TMEM26: variants seen among roughly 807,000 people sequenced by gnomAD.
TMEM26 encodes transmembrane protein 26.
A neutral mutation model predicts 28.8 loss-of-function variants in TMEM26; 38 were observed. The observed-to-expected ratio is 1.32, with a 90% CI of 1.02 to 1.73. TMEM26 has a LOEUF of 1.73. Among genes scored for constraint, TMEM26 ranks in the 40% most tolerant of loss-of-function variants. The pLI, the probability that TMEM26 is intolerant of heterozygous loss-of-function variation, is 0.00. For missense variants in TMEM26, 518 were observed against 447.1 expected (o/e 1.16, Z -1.43); for synonymous variants, 227 against 182.9 (o/e 1.24, Z -1.95).
At chr10:61,415,680 A>G (rs528544912) in intron 4 of TMEM26, among the ~76,000 whole-genome samples, 2 of 152,076 alleles carry the variant, frequency 1.3e-5, no homozygotes, top group East Asian at 1.9e-4. Flanking sequence ...TGGACATTAC[A>G]TTATATTATT....
At chr10:61,444,675 C>T (rs1004228486) in intron 1 of TMEM26, among the ~76,000 whole-genome samples, 1 of 146,122 alleles carries the variant, frequency 6.8e-6, no homozygotes, top group African/African-American at 2.5e-5. Context: ...AAAAAAACAC[C>T]AACAGAACTT....
At chr10:61,449,895 A>G (rs1840248153) in intron 1 of TMEM26, among the ~76,000 whole-genome samples, 1 of 152,174 alleles carries the variant, frequency 6.6e-6, no homozygotes, top group Non-Finnish European at 1.5e-5. Flanking sequence ...TAAAAAATGT[A>G]ACCATAATAT....
rs770087674 is a variant in TMEM26, at chr10:61,429,136, A to T, written c.395T>A (p.Phe132Tyr). The change falls in exon 4 of 6, where the codon TTT (phenylalanine) becomes TAT (tyrosine). Residue 132 changes from phenylalanine to tyrosine, a missense_variant. Coordinates refer to ENST00000399298, the MANE Select transcript of TMEM26 (RefSeq NM_178505.8). ...ACATACTGTAGATAAGTTATTCACA[A>T]AAACTTTGGCCTGTTTAACAGAAAT... is the stretch of plus-strand genomic sequence containing the variant. ...ADDLIETAKV[F>Y]VNNLSTVCEK... The T allele has an allele frequency of 6.2e-7, 1 of 1,612,496 alleles. No homozygotes were observed. The highest frequency in any genetic ancestry group is 1.3e-5 in the African/African-American group (1 of 74,874).
rs895700226 is a variant in TMEM26 at position 61,409,368 on chromosome 10, A to T, written c.*954T>A. The T allele has an allele frequency of 6.6e-6, 1 of 152,240 alleles. No homozygotes were observed. The highest frequency in any genetic ancestry group is 1.5e-5 in the Non-Finnish European group (1 of 68,074). 9.4% of individuals were successfully genotyped at this position (152,240 alleles called of 1,614,324 possible). ...ACCATGTTCCCTGAGAGCAAAGGCC[A>T]CTTCCAGTAGTCGCGGTTCAAAGAA... On this transcript the variant is annotated 3_prime_UTR_variant, in exon 6 of 6. Transcript: ENST00000399298.
chr10:61,430,148 AT>A (rs1839897574), intron 3 of TMEM26, among the ~76,000 whole-genome samples: 1 of 152,064 alleles, frequency 6.6e-6, no homozygotes, highest in South Asian at 2.1e-4. Context: ...AAAGATTAAT[AT>A]TTTTGATTGT....
intron 4 of TMEM26, chr10:61,415,075 T>C: frequency 1.0e-6 from 1 of 985,334 alleles, no homozygotes; most frequent in Non-Finnish European, 1.2e-6. Context: ...GCTTCTCACA[T>C]GCACATATGG....
intron 3 of TMEM26, among the ~76,000 whole-genome samples, chr10:61,431,012 A>G (rs1363238630): frequency 6.6e-6 from 1 of 152,022 alleles, no homozygotes; most frequent in African/African-American, 2.4e-5. Context: ...ATCTATTAAT[A>G]TATATAAAAT....
At chr10:61,418,663 T>C (rs1226287568) in intron 4 of TMEM26, among the ~76,000 whole-genome samples, 1 of 152,084 alleles carries the variant, frequency 6.6e-6, no homozygotes, top group Non-Finnish European at 1.5e-5. Context: ...GTGTGGTCAA[T>C]AGAAGTAACA....
In TMEM26 at chr10:61,421,988, G is replaced by A. The variant is rs1055043042; in HGVS notation, c.605+6938C>T. Among the ~76,000 whole-genome samples, 7 of 151,948 alleles carry A rather than the reference G, an allele frequency of 4.6e-5. No homozygotes were observed. The East Asian group carries it at 5.8e-4, about 13-fold the overall frequency. On this transcript the variant is annotated intron_variant, in intron 4 of 5. Coordinates refer to ENST00000399298, the MANE Select transcript of TMEM26 (RefSeq NM_178505.8). ...AAAGAATAAAAAAAGATATCTCTAT[G>A]CCAACATAAGAAAGCTGGAGTGCCT...
At chr10:61,450,834 G>T (rs1243576739) in intron 1 of TMEM26, among the ~76,000 whole-genome samples, 1 of 152,022 alleles carries the variant, frequency 6.6e-6, no homozygotes, top group Non-Finnish European at 1.5e-5. Context: ...AAATTTGTCT[G>T]ACTTGTGCGG....
intron 4 of TMEM26, among the ~76,000 whole-genome samples, chr10:61,421,437 T>G (rs1839745499): frequency 6.6e-6 from 1 of 152,156 alleles, no homozygotes; most frequent in South Asian, 2.1e-4. Context: ...AAATTCCATG[T>G]CTACCCAATT....
chr10:61,421,479 C>T (rs1297652445), intron 4 of TMEM26, among the ~76,000 whole-genome samples: 5 of 152,032 alleles, frequency 3.3e-5, no homozygotes, highest in Admixed American at 6.6e-5. Context: ...GAAATAGGGT[C>T]TTGGTAGATG....
At chr10:61,416,881 A>G (rs1839661167) in intron 4 of TMEM26, among the ~76,000 whole-genome samples, 1 of 152,058 alleles carries the variant, frequency 6.6e-6, no homozygotes, top group Non-Finnish European at 1.5e-5. Flanking sequence ...CATAAATCCA[A>G]CTTTAACCAT....
At chr10:61,413,651 T>C (rs1839605823) in intron 4 of TMEM26, 116 bp from the exon 5 acceptor site, 1 of 1,340,014 alleles carries the variant, frequency 7.5e-7, no homozygotes. Context: ...CCAAAATATC[T>C]TGGTGATTTA....
rs1839521881 is a variant in TMEM26 at position 61,408,386 on chromosome 10, T to C, written c.*1936A>G. On this transcript the variant is annotated 3_prime_UTR_variant, in exon 6 of 6. Coordinates refer to ENST00000399298, the MANE Select transcript of TMEM26 (RefSeq NM_178505.8). ...TCAGATTTGAAAGCATTTAAAAATA[T>C]CCTTGCAACAGCCGTACTACTTTAT... 6.6e-6 allele frequency: 1 copy of C among 152,224 alleles called. No homozygotes were observed. The highest frequency in any genetic ancestry group is 1.5e-5 in the Non-Finnish European group (1 of 68,052). 9.4% of individuals were successfully genotyped at this position (152,224 alleles called of 1,614,324 possible).
rs1442187108 is a variant in TMEM26 at position 61,431,256 on chromosome 10, T to C, written c.347A>G (p.Asn116Ser). 4 of 1,613,186 alleles carry C rather than the reference T, an allele frequency of 2.5e-6. No homozygotes were observed. The highest frequency in any genetic ancestry group is 2.2e-5 in the East Asian group (1 of 44,816). ...KEDFNQTLTS[N>S]EQTSRADDLI... is the part of the protein sequence containing the mutation. The stretch of plus-strand genomic sequence containing the variant: ...ATCATCAGCTCTACTGGTTTGTTCA[T>C]TGGATGTCAATGTTTGATTGAAGTC... The change falls in exon 3 of 6, where the codon AAT becomes AGT. Residue 116 changes from asparagine (N) to serine (S), a missense_variant. Coordinates refer to ENST00000399298, the MANE Select transcript of TMEM26 (RefSeq NM_178505.8).
intron 5 of TMEM26, chr10:61,412,764 T>A (rs959093931): frequency 3.6e-6 from 1 of 276,796 alleles, no homozygotes; most frequent in Non-Finnish European, 7.0e-6. Flanking sequence ...GGAATTTTAA[T>A]GTTTTAAATT....
intron 4 of TMEM26, among the ~76,000 whole-genome samples, chr10:61,418,977 A>G (rs984053345): frequency 2.6e-5 from 4 of 152,170 alleles, no homozygotes; most frequent in Admixed American, 6.6e-5. Flanking sequence ...AAGGGCTCAT[A>G]GTATTTGATT....
chr10:61,412,923 C>A (rs755355786), intron 5 of TMEM26: 1 of 1,298,738 alleles, frequency 7.7e-7, no homozygotes. Flanking sequence ...TAAAGTAAGA[C>A]CAGTAGGATT....
Sources: allele counts gnomAD v4.1 joint callset (sites outside exome capture counted in the v4.1 genomes callset), GRCh38; gene constraint gnomAD v4.1.1; transcripts MANE v1.5; gene names NCBI Gene and HGNC (gene_info 2026-07-23, HGNC 2026-07-21).